AAAS: variants seen among roughly 807,000 people sequenced by gnomAD.
AAAS encodes the protein aladin WD repeat nucleoporin.
Under a neutral mutation model 75.6 loss-of-function variants are expected in AAAS, and 60 were observed. That is an observed-to-expected ratio of 0.79 (90% CI 0.64 to 0.98). The LOEUF (loss-of-function observed/expected upper bound fraction) is 0.98, where lower values mean the gene tolerates loss of function less well. Ranked by LOEUF, AAAS falls within the 50% of genes least tolerant of loss-of-function variation. AAAS has a pLI of 0.00. For synonymous variants in AAAS, 271 were observed against 265.0 expected (o/e 1.02, Z -0.22); for missense variants, 658 against 686.9 (o/e 0.96, Z 0.47).
intron 1 of AAAS, 100 bp from the exon 2 acceptor site, chr12:53,320,792 T>C (rs1311882061): frequency 5.0e-6 from 7 of 1,390,038 alleles, no homozygotes; most frequent in Admixed American, 1.9e-5. Context: ...GTATAAGAGA[T>C]TCCAGAGGTC....
rs1308613133 is a variant in AAAS, at chr12:53,308,271, T to C, written c.1249+11A>G. 1 of 1,614,058 alleles carries C rather than the reference T, an allele frequency of 6.2e-7. No homozygotes were observed. Among genetic ancestry groups the C allele is most frequent in the African/African-American group, 1.3e-5 (1 of 74,912 alleles). The stretch of plus-strand genomic sequence containing the variant: ...TGGCTGTGGGCTGAGCCCTTCATCC[T>C]TGCCTCTCACCTTTCATAAGCACAG... On this transcript the variant is annotated intron_variant, in intron 13 of 15. Coordinates refer to ENST00000209873, the MANE Select transcript of AAAS (RefSeq NM_015665.6).
At chr12:53,318,543 G>A (rs1368029966) in intron 2 of AAAS, among the ~76,000 whole-genome samples, 3 of 152,062 alleles carry the variant, frequency 2.0e-5, no homozygotes, top group Non-Finnish European at 2.9e-5. Flanking sequence ...AGAGAACAAA[G>A]GTGTGAAGAG....
chr12:53,317,313 T>G (rs1304452283), intron 2 of AAAS, among the ~76,000 whole-genome samples: 2 of 150,570 alleles, frequency 1.3e-5, no homozygotes, highest in African/African-American at 4.9e-5. Context: ...ATCCCAGCAC[T>G]TTGGGAGGCT....
At chr12:53,317,373 C>T (rs1201441175) in intron 2 of AAAS, among the ~76,000 whole-genome samples, 5 of 151,364 alleles carry the variant, frequency 3.3e-5, no homozygotes, top group African/African-American at 7.3e-5. Context: ...CTGGCTAACA[C>T]GGTGAAACCC....
chr12:53,320,918 A>T (rs1293152157), intron 1 of AAAS: 6 of 591,166 alleles, frequency 1.0e-5, no homozygotes, highest in Non-Finnish European at 1.8e-5. Flanking sequence ...AAACCATATG[A>T]CATTTTTAGA....
chr12:53,315,245 A>C (rs1352721732), intron 4 of AAAS, 90 bp downstream of exon 4: 5 of 1,595,674 alleles, frequency 3.1e-6, no homozygotes, highest in Middle Eastern at 3.3e-4. Flanking sequence ...AAGTCATCAC[A>C]CCCAACCCTG....
chr12:53,310,759 A>G (rs775409260), intron 7 of AAAS, among the ~76,000 whole-genome samples: 2 of 152,196 alleles, frequency 1.3e-5, no homozygotes, highest in Non-Finnish European at 2.9e-5. Context: ...GTGAAGTCTT[A>G]GTCATGGATG....
chr12:53,310,883 A>G (rs1406484143), intron 7 of AAAS, among the ~76,000 whole-genome samples: 2 of 152,222 alleles, frequency 1.3e-5, no homozygotes, highest in Non-Finnish European at 2.9e-5. Flanking sequence ...TAGATGAACT[A>G]TAATTTATTG....
At position 53,316,584 on chromosome 12, in the gene AAAS, T is replaced by C. The variant is rs7976468; in HGVS notation, c.252-802A>G. On this transcript the variant is annotated intron_variant, in intron 2 of 15. Transcript: ENST00000209873. ...GAGATCAAGACCATCCTGGCCAACA[T>C]GGTGAAACATGTTGAAAAATATGAA... is the stretch of plus-strand genomic sequence containing the variant. Among the ~76,000 whole-genome samples, 328 of 148,690 alleles carry C rather than the reference T, an allele frequency of 2.2e-3. 1 individual carries two copies. Among genetic ancestry groups the C allele is most frequent in the African/African-American group, 7.1e-3 (284 of 40,204 alleles).
intron 7 of AAAS, 176 bp from the exon 8 acceptor site, chr12:53,309,897 G>T: frequency 3.1e-6 from 3 of 959,646 alleles, no homozygotes; most frequent in Non-Finnish European, 4.7e-6. Context: ...CAGCGAAGGG[G>T]AAAAACGACC....
chr12:53,321,186 A>G, intron 1 of AAAS, 157 bp downstream of exon 1: 1 of 1,206,604 alleles, frequency 8.3e-7, no homozygotes, highest in Non-Finnish European at 1.1e-6. Flanking sequence ...TCCCAGTCCT[A>G]AAACAGATTC....
intron 7 of AAAS, among the ~76,000 whole-genome samples, chr12:53,311,497 C>T (rs1187124179): frequency 1.3e-5 from 2 of 152,160 alleles, no homozygotes; most frequent in Non-Finnish European, 2.9e-5. Context: ...ACCTATAGTC[C>T]CAGCTACTTG....
chr12:53,321,580 G>T lies in AAAS; in HGVS notation c.-115C>A, dbSNP rs1295943345. On this transcript the variant is annotated 5_prime_UTR_variant, in exon 1 of 16. Coordinates refer to ENST00000209873, the MANE Select transcript of AAAS (RefSeq NM_015665.6). Reference sequence around the variant, plus strand: ...TCGTATGCGGACGGGTACCGCAAGGGACAAACGGCGAGGCGGAACTCAACG... The same window carrying T: ...TCGTATGCGGACGGGTACCGCAAGGTACAAACGGCGAGGCGGAACTCAACG... 4 of 1,560,162 alleles carry T rather than the reference G, an allele frequency of 2.6e-6. No individual in the cohort carries two copies. In the African/African-American group the frequency reaches 4.1e-5, roughly 16 times the overall value.
At chr12:53,309,355 G>A (rs1565777919) in intron 8 of AAAS, 74 bp from the exon 9 acceptor site, 2 of 1,599,708 alleles carry the variant, frequency 1.3e-6, no homozygotes, top group East Asian at 2.2e-5. Flanking sequence ...CCTCTCTAAT[G>A]TACAAAGAGC....
chr12:53,308,396 C>G, intron 12 of AAAS, 39 bp downstream of exon 12: 1 of 1,614,124 alleles, frequency 6.2e-7, no homozygotes, highest in Non-Finnish European at 8.5e-7. Context: ...GTCCCTCCCA[C>G]CTGCTTTTCA....
At position 53,308,341 on chromosome 12, in the gene AAAS, C is replaced by A. The variant is rs758794645; in HGVS notation, c.1190G>T (p.Gly397Val). 1.1e-5 allele frequency: 17 copies of A among 1,614,150 alleles called. No homozygotes were observed. Among genetic ancestry groups the A allele is most frequent in the Non-Finnish European group, 1.4e-5 (17 of 1,180,016 alleles). Residue 397 changes from glycine to valine, a missense_variant, in exon 13 of 16, where the codon GGA becomes GTA. Transcript: ENST00000209873. The stretch of plus-strand genomic sequence containing the variant: ...GTCCCAGACCATGGAGTGAGCCTCT[C>A]CCCCAAGCCTGTGGGTAAGGACAGG... ...QTPDGEERLG[G>V]EAHSMVWDPS...
Position 53,308,804 on chromosome 12 carries a change from C to G in AAAS, c.1008G>C (p.Trp336Cys). ...ACAGCAGTCGGCTGCCATCTGGGCT[C>G]CAGCAGCCAGTCTGGGGTCAGGGAG... ...TLSGRCQTGC[W>C]SPDGSRLLFT... is the part of the protein sequence containing the mutation. The change falls in exon 11 of 16, where the codon TGG becomes TGC. Residue 336 changes from tryptophan to cysteine, a missense_variant. Coordinates refer to ENST00000209873, the MANE Select transcript of AAAS (RefSeq NM_015665.6). The G allele has an allele frequency of 6.2e-7, 1 of 1,614,012 alleles. No individual in the cohort carries two copies. Among genetic ancestry groups the G allele is most frequent in the Non-Finnish European group, 8.5e-7 (1 of 1,180,018 alleles).
At position 53,307,525 on chromosome 12, in the gene AAAS, T is replaced by A. The variant is rs1186031544; in HGVS notation, c.1605A>T (p.Pro535=). The A allele has an allele frequency of 6.2e-7, 1 of 1,613,834 alleles. No individual in the cohort carries two copies. The highest frequency in any genetic ancestry group is 1.3e-5 in the African/African-American group (1 of 74,880). The change falls in exon 16 of 16, where the codon CCA becomes CCT. Residue 535 remains proline (P), a synonymous_variant. Transcript: ENST00000209873. ...SAPWDPLPGP[P]PVLPHSPHSH... ...AATGTGGGGAGTGGGGCAGAACAGG[T>A]GGTGGCCCTGGGAGAGGGTCCCAAG...
At chr12:53,320,800 G>A (rs1944542048) in intron 1 of AAAS, 108 bp from the exon 2 acceptor site, 4 of 1,327,028 alleles carry the variant, frequency 3.0e-6, no homozygotes, top group African/African-American at 1.4e-5. Context: ...GATTCCAGAG[G>A]TCTGTTTCCC....
Sources: gnomAD v4.1 joint callset for allele counts (sites outside exome capture counted in the v4.1 genomes callset) on GRCh38, gnomAD v4.1.1 for gene constraint, MANE v1.5 for transcripts, NCBI Gene and HGNC (gene_info 2026-07-23, HGNC 2026-07-21) for gene names.